MARCHF1: variants seen among roughly 807,000 people sequenced by gnomAD.
MARCHF1 encodes E3 ubiquitin-protein ligase MARCHF1.
MARCHF1 carries 40 observed loss-of-function variants against 54.2 expected under a neutral mutation model. That is an observed-to-expected ratio of 0.74 (90% CI 0.57 to 0.96). MARCHF1 has a LOEUF of 0.96. Among genes scored for constraint, MARCHF1 ranks in the 40% least tolerant of loss-of-function variants. The pLI, the probability that MARCHF1 is intolerant of heterozygous loss-of-function variation, is 0.00. For synonymous variants in MARCHF1, 236 were observed against 236.3 expected (o/e 1.00, Z 0.01); for missense variants, 586 against 656.5 (o/e 0.89, Z 1.17).
intron 9 of MARCHF1, among the ~76,000 whole-genome samples, chr4:163,530,970 A>T (rs574274034): frequency 6.6e-6 from 1 of 151,950 alleles, no homozygotes; most frequent in African/African-American, 2.4e-5. Flanking sequence ...ATATCCCTAG[A>T]TCTATTAAAG....
chr4:164,184,093 AT>A (rs750187842), intron 1 of MARCHF1, among the ~76,000 whole-genome samples: 1 of 152,088 alleles, frequency 6.6e-6, no homozygotes, highest in East Asian at 1.9e-4. Context: ...AACATAAGAA[AT>A]TTTTTAAAAA....
chr4:164,368,867 C>T (rs1330185656), intron 1 of MARCHF1, among the ~76,000 whole-genome samples: 2 of 152,222 alleles, frequency 1.3e-5, no homozygotes, highest in African/African-American at 4.8e-5. Context: ...TACCAGCTTT[C>T]AACCTTACTG....
chr4:163,664,961 T>C (rs1276702297), intron 5 of MARCHF1, among the ~76,000 whole-genome samples: 1 of 152,074 alleles, frequency 6.6e-6, no homozygotes, highest in Admixed American at 6.6e-5. Flanking sequence ...GAACCCAGAT[T>C]AGATTATATT....
At chr4:164,304,064 C>T (rs1328951150) in intron 1 of MARCHF1, among the ~76,000 whole-genome samples, 1 of 152,144 alleles carries the variant, frequency 6.6e-6, no homozygotes, top group Non-Finnish European at 1.5e-5. Context: ...TGAAAACAAT[C>T]AAATTATAAA....
At chr4:163,608,963 T>G (rs2110915906) in intron 7 of MARCHF1, among the ~76,000 whole-genome samples, 1 of 152,198 alleles carries the variant, frequency 6.6e-6, no homozygotes, top group Non-Finnish European at 1.5e-5. Flanking sequence ...TTGTAGTGAT[T>G]TAATTCACTT....
chr4:163,976,792 A>G (rs1479827382), intron 3 of MARCHF1, among the ~76,000 whole-genome samples: 1 of 152,162 alleles, frequency 6.6e-6, no homozygotes. Flanking sequence ...ATTCTTCTAA[A>G]CATCTCAAAT....
chr4:164,336,111 C>T (rs1729732770), intron 1 of MARCHF1, among the ~76,000 whole-genome samples: 1 of 152,122 alleles, frequency 6.6e-6, no homozygotes, highest in East Asian at 1.9e-4. Flanking sequence ...AGGTTCACAG[C>T]TGTGAAAAGG....
intron 2 of MARCHF1, among the ~76,000 whole-genome samples, chr4:164,018,407 A>C: frequency 6.6e-6 from 1 of 152,078 alleles, no homozygotes; most frequent in Non-Finnish European, 1.5e-5. Context: ...GATTATATCT[A>C]TATATTTATA....
intron 3 of MARCHF1, among the ~76,000 whole-genome samples, chr4:163,858,308 T>C (rs534770107): frequency 6.6e-6 from 1 of 152,162 alleles, no homozygotes; most frequent in Non-Finnish European, 1.5e-5. Flanking sequence ...AACGCAGAGA[T>C]TTGTTTGCCA....
At chr4:163,644,250 A>T (rs1036934507) in intron 5 of MARCHF1, among the ~76,000 whole-genome samples, 1 of 152,114 alleles carries the variant, frequency 6.6e-6, no homozygotes, top group South Asian at 2.1e-4. Flanking sequence ...CCAGCCATCC[A>T]TTGCAAAATG....
At chr4:164,148,009 A>G (rs6816999) in intron 1 of MARCHF1, among the ~76,000 whole-genome samples, 22,798 of 151,966 alleles carry the variant, frequency 0.15, 2,324 homozygotes, top group African/African-American at 0.27. Flanking sequence ...ATACATTCAT[A>G]TTTTATTTTA....
chr4:163,633,352 A>C (rs1742180784), intron 5 of MARCHF1, among the ~76,000 whole-genome samples: 1 of 152,146 alleles, frequency 6.6e-6, no homozygotes, highest in South Asian at 2.1e-4. Context: ...CTTTGAAAAA[A>C]ATTTAGAAGA....
chr4:164,139,045 G>A (rs528367510), intron 1 of MARCHF1, among the ~76,000 whole-genome samples: 1 of 152,248 alleles, frequency 6.6e-6, no homozygotes, highest in Non-Finnish European at 1.5e-5. Context: ...TTAAAGCAAT[G>A]ATTTTATTTT....
intron 2 of MARCHF1, among the ~76,000 whole-genome samples, chr4:164,019,451 T>C (rs988136878): frequency 2.0e-5 from 3 of 152,206 alleles, no homozygotes; most frequent in African/African-American, 4.8e-5. Flanking sequence ...AGTGAGATTC[T>C]GGGATGGGTT....
At chr4:164,207,325 A>G (rs1008458637) in intron 1 of MARCHF1, among the ~76,000 whole-genome samples, 1 of 152,116 alleles carries the variant, frequency 6.6e-6, no homozygotes, top group Non-Finnish European at 1.5e-5. Flanking sequence ...TCAATTTTTC[A>G]TTTTAAGTTT....
intron 1 of MARCHF1, among the ~76,000 whole-genome samples, chr4:164,273,898 A>G (rs1733804815): frequency 1.3e-5 from 2 of 152,220 alleles, no homozygotes; most frequent in African/African-American, 4.8e-5. Flanking sequence ...CAGGCAATTG[A>G]GAGCTGTTCC....
intron 2 of MARCHF1, among the ~76,000 whole-genome samples, chr4:164,000,722 T>A (rs939003105): frequency 6.6e-6 from 1 of 151,736 alleles, no homozygotes; most frequent in African/African-American, 2.4e-5. Context: ...TATACTTGGT[T>A]TGAAAATAAA....
rs547283375 is a variant in MARCHF1 at position 164,280,241 on chromosome 4, A to C, written c.-323+103629T>G. Among the ~76,000 whole-genome samples, 3 of 152,112 alleles carry C rather than the reference A, an allele frequency of 2.0e-5. No individual in the cohort carries two copies. In the South Asian group the frequency reaches 6.2e-4, roughly 32 times the overall value. ...CTATTTTAGTAATAAGTTTACATAG[A>C]TCTTTCCTCAAAGTCGTGAATATAG... is the stretch of plus-strand genomic sequence containing the variant. On this transcript the variant is annotated intron_variant, in intron 1 of 9. Coordinates refer to ENST00000514618, the MANE Select transcript of MARCHF1 (RefSeq NM_001394959.1).
chr4:163,898,668 A>G (rs558194953), intron 3 of MARCHF1, among the ~76,000 whole-genome samples: 88 of 152,302 alleles, frequency 5.8e-4, no homozygotes, highest in African/African-American at 2.1e-3. Flanking sequence ...CTCAACCTAT[A>G]GCAATCTCAC....
Sources: gnomAD v4.1 joint callset for allele counts (sites outside exome capture counted in the v4.1 genomes callset) on GRCh38, gnomAD v4.1.1 for gene constraint, MANE v1.5 for transcripts, NCBI Gene and HGNC (gene_info 2026-07-23, HGNC 2026-07-21) for gene names.